The following NPEPL1 variants were observed in gnomAD, a reference collection of about 807,000 sequenced individuals.
NPEPL1 encodes the protein probable aminopeptidase NPEPL1.
A neutral mutation model predicts 52.4 loss-of-function variants in NPEPL1; 45 were observed. The observed-to-expected ratio is 0.86, with a 90% confidence interval of 0.68 to 1.10. The LOEUF is 1.10. Among genes scored for constraint, NPEPL1 ranks in the 50% least tolerant of loss-of-function variants. NPEPL1 has a pLI of 0.00. For synonymous variants in NPEPL1, 360 were observed against 314.7 expected (o/e 1.14, Z -1.52); for missense variants, 696 against 710.9 (o/e 0.98, Z 0.24).
At chr20:58,704,062 G>T in intron 6 of NPEPL1, 1 of 985,374 alleles carries the variant, frequency 1.0e-6, no homozygotes, top group East Asian at 1.1e-4. Flanking sequence ...GGCCTTTCCT[G>T]AGCTGTTACT....
At position 58,714,099 on chromosome 20, in the gene NPEPL1, T is replaced by C. The variant is rs372143734; in HGVS notation, c.1302+6T>C. 6.5e-6 allele frequency: 10 copies of C among 1,538,766 alleles called. No homozygotes were observed. The highest frequency in any genetic ancestry group is 7.0e-6 in the Non-Finnish European group (8 of 1,144,210). ...ACATGAAGAACTCAGTGGCGGTAGG[T>C]TTGGAGCCTCGAACCTGGAGCCTGC... On this transcript the variant is annotated splice_donor_region_variant and intron_variant, in intron 10 of 11. Transcript: ENST00000356091.
At chr20:58,705,362 A>C (rs757283803) in intron 6 of NPEPL1, 5 of 416,810 alleles carry the variant, frequency 1.2e-5, no homozygotes, top group Non-Finnish European at 2.0e-5. Flanking sequence ...GCCCGTCAGC[A>C]ACAGCAGGAG....
Position 58,715,153 on chromosome 20 carries a change from G to A in NPEPL1, c.1414-15G>A. On this transcript the variant is annotated splice_polypyrimidine_tract_variant and intron_variant, in intron 11 of 11. Transcript: ENST00000356091. The stretch of plus-strand genomic sequence containing the variant: ...GCCCCACGCCCAGAGTCTGTGTCCT[G>A]CCCTTTGCTTGCAGGGTGAGCGAGC... 1.9e-6 allele frequency: 3 copies of A among 1,594,198 alleles called. No homozygotes were observed. Among genetic ancestry groups the A allele is most frequent in the East Asian group, 2.3e-5 (1 of 44,064 alleles).
chr20:58,700,941 G>A, intron 5 of NPEPL1, 75 bp from the exon 6 acceptor site: 1 of 1,346,122 alleles, frequency 7.4e-7, no homozygotes, highest in South Asian at 1.9e-5. Context: ...GCCGGCCAGA[G>A]TTTCCAGGGG....
At chr20:58,704,288 A>G (rs202124661) in intron 6 of NPEPL1, 1 of 378,462 alleles carries the variant, frequency 2.6e-6, no homozygotes, top group Non-Finnish European at 3.4e-6. Flanking sequence ...GTTTTGCAAG[A>G]AAAAAAAAAT....
rs761223872 is a variant in NPEPL1, at chr20:58,712,429, C to T, written c.901-50C>T. 11 of 1,307,254 alleles carry T rather than the reference C, an allele frequency of 8.4e-6. No individual in the cohort carries two copies. The South Asian group carries it at 1.2e-4, about 14-fold the overall frequency. The allele number at this position is 1,307,254 out of a possible 1,614,324, so 81.0% of individuals were successfully genotyped here. A position where few individuals can be genotyped will look rare whatever the true frequency, so the allele number is the denominator to read the frequency against. ...GAACCCCCAGCTCGTCCTCCCCCCT[C>T]CCCAAACCTATGACCTACAACTGGA... On this transcript the variant is annotated intron_variant, in intron 7 of 11. Coordinates refer to ENST00000356091, the MANE Select transcript of NPEPL1 (RefSeq NM_024663.4).
chr20:58,696,753 G>A (rs2084500369), intron 3 of NPEPL1, among the ~76,000 whole-genome samples: 1 of 152,274 alleles, frequency 6.6e-6, no homozygotes, highest in African/African-American at 2.4e-5. Context: ...AGTGCTGTCA[G>A]CTGTCAGGCC....
At chr20:58,710,883 AGCTC>A (rs765018836) in intron 7 of NPEPL1, 1 of 152,358 alleles carries the variant, frequency 6.6e-6, no homozygotes, top group Non-Finnish European at 1.5e-5. Context: ...CCAGGACTGC[AGCTC>A]GCTCGTCTTC....
chr20:58,701,092 G>A lies in NPEPL1; in HGVS notation c.756G>A (p.Thr252=), dbSNP rs749370962. The A allele has an allele frequency of 6.3e-6, 10 of 1,593,696 alleles. No individual in the cohort carries two copies. Among genetic ancestry groups the A allele is most frequent in the South Asian group, 3.4e-5 (3 of 87,304 alleles). ...AVLSHTPDGA[T]QTIAWVGKGI... is the part of the protein sequence containing the mutation. Reference sequence around the variant, plus strand: ...TCAGCCACACCCCAGATGGAGCCACGCAGACCATCGCCTGGGTGGGCAAAG... The same window carrying A: ...TCAGCCACACCCCAGATGGAGCCACACAGACCATCGCCTGGGTGGGCAAAG... Residue 252 remains threonine (T), a synonymous_variant, in exon 6 of 12, where the codon ACG becomes ACA. Transcript: ENST00000356091.
upstream of NPEPL1, chr20:58,691,144 CTG>C: frequency 1.4e-6 from 1 of 703,212 alleles, no homozygotes; most frequent in Non-Finnish European, 2.6e-6. Context: ...GATCCTCCAG[CTG>C]TCTCAGTCCT....
chr20:58,707,076 G>C, intron 6 of NPEPL1, 47 bp from the exon 7 acceptor site: 4 of 1,530,606 alleles, frequency 2.6e-6, no homozygotes, highest in Non-Finnish European at 3.5e-6. Flanking sequence ...TGCCAGGCCT[G>C]GACCTCACAG....
upstream of NPEPL1, chr20:58,691,499 C>T (rs1311097535): frequency 1.5e-6 from 1 of 662,672 alleles, no homozygotes; most frequent in South Asian, 1.6e-5. Context: ...TGTGGTGTTT[C>T]CAAGGGGCCA....
chr20:58,697,575 G>A (rs1337004350), intron 3 of NPEPL1, among the ~76,000 whole-genome samples: 2 of 152,258 alleles, frequency 1.3e-5, no homozygotes, highest in Non-Finnish European at 2.9e-5. Flanking sequence ...CTGACATTAT[G>A]AGACTAGAGG....
At position 58,715,372 on chromosome 20, in the gene NPEPL1, T is replaced by C; in HGVS notation, c.*46T>C. On this transcript the variant is annotated 3_prime_UTR_variant, in exon 12 of 12. Transcript: ENST00000356091. The stretch of plus-strand genomic sequence containing the variant: ...CAAACGGGGATCTTTTACCTCACTT[T>C]GCACTGATTAATTTTAAGCAATTGA... 1 of 1,518,910 alleles carries C rather than the reference T, an allele frequency of 6.6e-7. No homozygotes were observed. The allele number at this position is 1,518,910 out of a possible 1,614,324, so 94.1% of individuals were successfully genotyped here.
At position 58,714,134 on chromosome 20, in the gene NPEPL1, G is replaced by C. The variant is rs1260682707; in HGVS notation, c.1302+41G>C. ...CGAACCTGGAGCCTGCCACATGGGT[G>C]GAGCCGGGCAGGCGGAGCCCTGCCT... On this transcript the variant is annotated intron_variant, in intron 10 of 11. Coordinates refer to ENST00000356091, the MANE Select transcript of NPEPL1 (RefSeq NM_024663.4). The C allele has an allele frequency of 2.0e-6, 3 of 1,512,410 alleles. No individual in the cohort carries two copies. In the African/African-American group the frequency reaches 4.3e-5, roughly 22 times the overall value. 93.7% of individuals were successfully genotyped at this position (1,512,410 alleles called of 1,614,324 possible). A position where few individuals can be genotyped will look rare whatever the true frequency, so the allele number is the denominator to read the frequency against.
At chr20:58,694,778 G>A (rs760102465) in intron 3 of NPEPL1, among the ~76,000 whole-genome samples, 186 bp downstream of exon 3, 1 of 152,198 alleles carries the variant, frequency 6.6e-6, no homozygotes, top group African/African-American at 2.4e-5. Context: ...CTGCCTCAGC[G>A]TGGTCTGTGA....
At chr20:58,703,763 C>T (rs1242902749) in intron 6 of NPEPL1, 1 of 850,872 alleles carries the variant, frequency 1.2e-6, no homozygotes, top group East Asian at 1.1e-4. Context: ...ACCACACAGG[C>T]CTTCCCTAGA....
intron 6 of NPEPL1, chr20:58,703,775 G>C: frequency 1.2e-6 from 1 of 850,712 alleles, no homozygotes; most frequent in Non-Finnish European, 1.4e-6. Context: ...TTCCCTAGAG[G>C]CCACAGCTGC....
intron 7 of NPEPL1, among the ~76,000 whole-genome samples, 161 bp downstream of exon 7, chr20:58,707,361 C>T (rs748865141): frequency 1.1e-4 from 16 of 152,216 alleles, no homozygotes; most frequent in Admixed American, 6.5e-5. Context: ...TCTGGGGCCC[C>T]CAGAGCTTCC....
Sources: gnomAD v4.1 joint callset for allele counts (sites outside exome capture counted in the v4.1 genomes callset) on GRCh38, gnomAD v4.1.1 for gene constraint, MANE v1.5 for transcripts, NCBI Gene and HGNC (gene_info 2026-07-23, HGNC 2026-07-21) for gene names.